CTPS2: variants seen among roughly 807,000 people sequenced by gnomAD.
CTPS2 encodes the protein CTP synthase II.
In CTPS2, 19 loss-of-function variants were observed where a neutral mutation model predicts 46.8. That is an observed-to-expected ratio of 0.41 (90% CI 0.28 to 0.60). The LOEUF (loss-of-function observed/expected upper bound fraction) is 0.60, where lower values mean the gene tolerates loss of function less well. Among genes scored for constraint, CTPS2 ranks in the 20% least tolerant of loss-of-function variants. The pLI is 0.35. For missense variants in CTPS2, 286 were observed against 447.6 expected (o/e 0.64, Z 3.26); for synonymous variants, 151 against 165.2 (o/e 0.91, Z 0.66).
intron 10 of CTPS2, among the ~76,000 whole-genome samples, chrX:16,676,776 G>A: frequency 9.0e-6 from 1 of 111,566 alleles, no homozygotes; most frequent in Non-Finnish European, 1.9e-5. Context: ...AAAAACAAGA[G>A]CAGGGCTGGG....
chrX:16,594,275 C>G (rs1022176765), intron 17 of CTPS2, among the ~76,000 whole-genome samples: 5 of 111,063 alleles, frequency 4.5e-5, no homozygotes, highest in Non-Finnish European at 9.4e-5. Context: ...TTCCCCATCT[C>G]TAAGCCTGGG....
At chrX:16,650,921 TA>T in intron 13 of CTPS2, 2 of 919,231 alleles carry the variant, frequency 2.2e-6, no homozygotes, top group East Asian at 3.1e-5. Flanking sequence ...CCAATGGCAC[TA>T]AAATCCTGCA....
At chrX:16,667,137 CTTT>C (rs34412705) in intron 13 of CTPS2, among the ~76,000 whole-genome samples, 1 of 90,059 alleles carries the variant, frequency 1.1e-5, no homozygotes. Context: ...CCCCCCCCGC[CTTT>C]TTTTTTTTTT....
chrX:16,626,756 T>G (rs1931176112), intron 14 of CTPS2, among the ~76,000 whole-genome samples: 1 of 110,852 alleles, frequency 9.0e-6, no homozygotes, highest in South Asian at 3.9e-4. Flanking sequence ...CAGGTCTGTC[T>G]TCAGCTGCCA....
chrX:16,690,646 A>C (rs1021906782), intron 7 of CTPS2, among the ~76,000 whole-genome samples: 3 of 111,113 alleles, frequency 2.7e-5, no homozygotes, highest in Non-Finnish European at 5.7e-5. Flanking sequence ...CATTTATATC[A>C]CTCTCTTTAA....
chrX:16,698,805 C>A (rs1182705505), intron 3 of CTPS2, 118 bp downstream of exon 3: 3 of 628,830 alleles, frequency 4.8e-6, no homozygotes, highest in Non-Finnish European at 7.2e-6. Context: ...CTGGCCTCAG[C>A]CTCCCAAAGT....
intron 2 of CTPS2, among the ~76,000 whole-genome samples, chrX:16,701,056 C>T (rs1373739245): frequency 9.0e-6 from 1 of 111,422 alleles, no homozygotes; most frequent in Non-Finnish European, 1.9e-5. Context: ...TGGCCAAACT[C>T]CAAGGTCAAA....
chrX:16,675,136 C>T (rs1258067235), intron 10 of CTPS2, among the ~76,000 whole-genome samples: 1 of 109,810 alleles, frequency 9.1e-6, no homozygotes, highest in African/African-American at 3.3e-5. Flanking sequence ...GGCATGATGG[C>T]GGGTGCCTGT....
intron 13 of CTPS2, among the ~76,000 whole-genome samples, chrX:16,639,848 G>A (rs1020984145): frequency 1.6e-4 from 18 of 110,065 alleles, no homozygotes; most frequent in Non-Finnish European, 3.8e-5. Flanking sequence ...AAAAGGAAAA[G>A]AAAAGAAAAG....
chrX:16,660,751 C>G (rs918806471), intron 13 of CTPS2, among the ~76,000 whole-genome samples: 6 of 110,781 alleles, frequency 5.4e-5, no homozygotes, highest in Non-Finnish European at 1.1e-4. Context: ...TTAAGCAATC[C>G]TCTCACCTTG....
intron 14 of CTPS2, among the ~76,000 whole-genome samples, chrX:16,621,853 A>T (rs1311353651): frequency 8.9e-6 from 1 of 111,932 alleles, no homozygotes; most frequent in Non-Finnish European, 1.9e-5. Flanking sequence ...TGTACGATCA[A>T]TGATCACAGC....
chrX:16,644,036 A>G (rs911133071), intron 13 of CTPS2, among the ~76,000 whole-genome samples: 1 of 111,571 alleles, frequency 9.0e-6, no homozygotes, highest in African/African-American at 3.3e-5. Context: ...ATAGTAGGAG[A>G]CTGAATAATG....
At chrX:16,656,969 G>A (rs1312520273) in intron 13 of CTPS2, among the ~76,000 whole-genome samples, 2 of 110,710 alleles carry the variant, frequency 1.8e-5, no homozygotes, top group Non-Finnish European at 3.8e-5. Context: ...CTGCAGTCTT[G>A]ACCTCCTGGG....
At chrX:16,620,415 T>C in intron 14 of CTPS2, 83 bp from the exon 15 acceptor site, 5 of 672,646 alleles carry the variant, frequency 7.4e-6, no homozygotes, top group Non-Finnish European at 1.2e-5. Flanking sequence ...GGCAAGTGCC[T>C]GGATCACTAT....
chrX:16,689,524 A>C lies in CTPS2; in HGVS notation c.798T>G (p.Phe266Leu), dbSNP rs1923518807. 3 of 1,210,609 alleles carry C rather than the reference A, an allele frequency of 2.5e-6. No homozygotes were observed. The East Asian group carries it at 8.9e-5, about 36-fold the overall frequency. ...CGATGGGCAGGTGCAATCTCTCCTT[A>C]AAATATTTCACAATGCTTTGTTCCT... ...LLEEQSIVKY[F>L]KERLHLPIGD... The change falls in exon 8 of 19, where the codon TTT becomes TTG. Residue 266 changes from phenylalanine to leucine, a missense_variant. Phe to Leu is a conservative substitution (Grantham distance 22, BLOSUM62 0). Coordinates refer to ENST00000359276, the MANE Select transcript of CTPS2 (RefSeq NM_175859.3).
intron 13 of CTPS2, among the ~76,000 whole-genome samples, chrX:16,661,044 C>T (rs748896408): frequency 9.1e-6 from 1 of 110,290 alleles, no homozygotes; most frequent in Non-Finnish European, 1.9e-5. Context: ...ACTGCAACCT[C>T]CACCTCCCAG....
At chrX:16,691,397 G>C in intron 7 of CTPS2, 143 bp downstream of exon 7, 1 of 496,664 alleles carries the variant, frequency 2.0e-6, no homozygotes, top group South Asian at 3.4e-5. Flanking sequence ...TCTCACTTAA[G>C]GGCTAGGGAA....
intron 17 of CTPS2, among the ~76,000 whole-genome samples, chrX:16,592,776 TCCA>T (rs2147153891): frequency 8.9e-6 from 1 of 112,157 alleles, no homozygotes; most frequent in East Asian, 2.8e-4. Flanking sequence ...TTCTCATAGG[TCCA>T]AGAGTTGGAG....
intron 7 of CTPS2, among the ~76,000 whole-genome samples, chrX:16,690,371 CAA>C (rs1229527802): frequency 2.2e-5 from 2 of 92,951 alleles, no homozygotes. Context: ...AACTCTGTCT[CAA>C]AAAAAAAAAA....
Sources: gnomAD v4.1 joint callset for allele counts (sites outside exome capture counted in the v4.1 genomes callset) on GRCh38, gnomAD v4.1.1 for gene constraint, MANE v1.5 for transcripts, NCBI Gene and HGNC (gene_info 2026-07-23, HGNC 2026-07-21) for gene names.